DNM1L: variants seen among roughly 807,000 people sequenced by gnomAD.
The protein encoded by DNM1L is dynamin 1L.
Under a neutral mutation model 92.8 loss-of-function variants are expected in DNM1L, and 33 were observed. The observed-to-expected ratio is 0.36, with a 90% confidence interval of 0.27 to 0.48. The LOEUF (loss-of-function observed/expected upper bound fraction) is 0.48, where lower values mean the gene tolerates loss of function less well. DNM1L is among the 20% of genes least tolerant of loss of function. The probability of loss-of-function intolerance (pLI) is 0.99; values close to 1 mark genes in which losing one functional copy is unlikely to be tolerated. For missense variants in DNM1L, 485 were observed against 888.8 expected, an observed-to-expected ratio of 0.55 and a Z score of 5.78; for synonymous variants, 284 against 305.0, an observed-to-expected ratio of 0.93 and a Z score of 0.72.
chr12:32,721,097 C>T (rs1172542024), intron 8 of DNM1L, among the ~76,000 whole-genome samples: 3 of 152,154 alleles, frequency 2.0e-5, no homozygotes, highest in Non-Finnish European at 4.4e-5. Flanking sequence ...CTTTGCATTT[C>T]AGGAACTGAT....
chr12:32,703,045 TTC>T (rs530683691), intron 2 of DNM1L, among the ~76,000 whole-genome samples: 1 of 111,666 alleles, frequency 9.0e-6, no homozygotes, highest in African/African-American at 3.5e-5. Context: ...TATTAGGTCT[TTC>T]TCTCTCTCTC....
At chr12:32,742,884 G>GAA in intron 19 of DNM1L, 136 bp downstream of exon 19, 1 of 387,304 alleles carries the variant, frequency 2.6e-6, no homozygotes, top group South Asian at 2.4e-5. Context: ...TACTTGATAA[G>GAA]AATCTTTTTT....
intron 6 of DNM1L, among the ~76,000 whole-genome samples, chr12:32,717,365 A>AAT (rs1355025844): frequency 1.1e-4 from 8 of 70,472 alleles, no homozygotes; most frequent in South Asian, 3.2e-4. Flanking sequence ...TAGTATATAT[A>AAT]ATATATATAC....
In DNM1L at chr12:32,725,041, A is replaced by AT. The variant is rs1207268748; in HGVS notation, c.1079+2419dup. On this transcript the variant is annotated intron_variant, in intron 9 of 19. Transcript: ENST00000549701. Reference sequence around the variant, plus strand: ...TCTACCCCAAAGAAAATGAACTTTAATTTTTTTTTTTAAAGCATCGTATCA... The same window carrying AT: ...TCTACCCCAAAGAAAATGAACTTTAATTTTTTTTTTTTAAAGCATCGTATCA... Among the ~76,000 whole-genome samples the AT allele has an allele frequency of 3.9e-3, 584 of 148,160 alleles. 7 individuals are homozygous for AT. The highest frequency in any genetic ancestry group is 0.013 in the African/African-American group (535 of 40,568).
chr12:32,734,237 G>C (rs1005946700), intron 13 of DNM1L, among the ~76,000 whole-genome samples: 1 of 152,188 alleles, frequency 6.6e-6, no homozygotes, highest in Non-Finnish European at 1.5e-5. Flanking sequence ...GCATTTCATG[G>C]ATCTTTTCTT....
At chr12:32,705,642 C>T (rs1952892892) in intron 2 of DNM1L, 4 of 575,026 alleles carry the variant, frequency 7.0e-6, no homozygotes, top group Admixed American at 3.2e-5. Context: ...TTGCACTGCG[C>T]AGTGGGATTC....
intron 1 of DNM1L, among the ~76,000 whole-genome samples, chr12:32,683,663 G>A (rs893365121): frequency 1.3e-5 from 2 of 152,096 alleles, no homozygotes; most frequent in Non-Finnish European, 2.9e-5. Context: ...TCCTGCCTCA[G>A]CCTCCTGAGT....
chr12:32,726,022 C>G (rs1411260022), intron 9 of DNM1L, among the ~76,000 whole-genome samples: 1 of 150,108 alleles, frequency 6.7e-6, no homozygotes, highest in African/African-American at 2.5e-5. Flanking sequence ...ATTCAACAAA[C>G]AGCTGAAAAA....
At chr12:32,699,816 A>AG (rs1440371765) in intron 1 of DNM1L, among the ~76,000 whole-genome samples, 1 of 151,156 alleles carries the variant, frequency 6.6e-6, no homozygotes, top group Non-Finnish European at 1.5e-5. Context: ...AAAAAAAAAA[A>AG]AAAGCAATGA....
At chr12:32,686,836 A>G (rs1306165155) in intron 1 of DNM1L, among the ~76,000 whole-genome samples, 1 of 151,840 alleles carries the variant, frequency 6.6e-6, no homozygotes, top group Non-Finnish European at 1.5e-5. Flanking sequence ...ATGGGTGTGA[A>G]GTTTTGTTTT....
At chr12:32,680,110 T>G in intron 1 of DNM1L, 2 of 732,306 alleles carry the variant, frequency 2.7e-6, no homozygotes, top group Non-Finnish European at 3.3e-6. Context: ...TGGGAAGGAA[T>G]ATCCGATTTT....
chr12:32,699,603 C>T (rs1952611910), intron 1 of DNM1L, among the ~76,000 whole-genome samples: 1 of 151,806 alleles, frequency 6.6e-6, no homozygotes, highest in Non-Finnish European at 1.5e-5. Flanking sequence ...TGAAACCAGC[C>T]TGGCGCACAT....
At chr12:32,733,983 C>G (rs1480146961) in intron 13 of DNM1L, among the ~76,000 whole-genome samples, 176 bp downstream of exon 13, 2 of 152,162 alleles carry the variant, frequency 1.3e-5, no homozygotes, top group Non-Finnish European at 2.9e-5. Context: ...TCAAAACCAC[C>G]TGCAGGCATT....
intron 1 of DNM1L, among the ~76,000 whole-genome samples, chr12:32,695,962 CAAGTA>C (rs932089080): frequency 9.9e-4 from 150 of 152,052 alleles, no homozygotes; most frequent in African/African-American, 3.4e-3. Context: ...ACGTTGGAAA[CAAGTA>C]AAGAAAATCC....
rs745441986 is a variant in DNM1L, at chr12:32,740,228, C to T, written c.1872C>T (p.Asn624=). The T allele has an allele frequency of 2.8e-5, 45 of 1,614,130 alleles. No individual in the cohort carries two copies. The Middle Eastern group carries it at 4.9e-4, about 18-fold the overall frequency. Residue 624 remains asparagine, a synonymous_variant, in exon 17 of 20, where the codon AAC becomes AAT. Transcript: ENST00000549701. ...GTCCACAAAAAGGTCATGCCGTGAA[C>T]CTGCTAGATGTGGTAAGCCATGACA... ...PASPQKGHAV[N]LLDVPVPVAR... is the part of the protein sequence containing the mutation.
intron 7 of DNM1L, among the ~76,000 whole-genome samples, chr12:32,719,894 A>G (rs1230824449): frequency 6.6e-6 from 1 of 152,176 alleles, no homozygotes; most frequent in Non-Finnish European, 1.5e-5. Context: ...AAAGAGCTGG[A>G]TTCGGATGAA....
chr12:32,724,683 A>C lies in DNM1L; in HGVS notation c.1079+2050A>C, dbSNP rs1278613858. 4.6e-5 allele frequency among the ~76,000 whole-genome samples: 5 copies of C among 107,868 alleles called. No individual in the cohort carries two copies. In the South Asian group the frequency reaches 1.0e-3, roughly 23 times the overall value. 70.8% of individuals were successfully genotyped at this position (107,868 alleles called of 152,430 possible). On this transcript the variant is annotated intron_variant, in intron 9 of 19. Coordinates refer to ENST00000549701, the MANE Select transcript of DNM1L (RefSeq NM_012062.5). ...ATATATAAAAAATAATAATATATAT[A>C]ATAATATATATAGAAGCCACACAAA...
At chr12:32,726,794 C>T (rs1040873286) in intron 9 of DNM1L, 1 of 620,820 alleles carries the variant, frequency 1.6e-6, no homozygotes, top group African/African-American at 1.8e-5. Context: ...CTGTACAACC[C>T]ATAATTTCTT....
At chr12:32,719,613 A>C (rs1004902369) in intron 7 of DNM1L, among the ~76,000 whole-genome samples, 1 of 152,074 alleles carries the variant, frequency 6.6e-6, no homozygotes, top group Admixed American at 6.6e-5. Flanking sequence ...AGATTGGTTT[A>C]ATCCCTAGCA....
Sources: gnomAD v4.1 joint callset for allele counts (sites outside exome capture counted in the v4.1 genomes callset) on GRCh38, gnomAD v4.1.1 for gene constraint, MANE v1.5 for transcripts, NCBI Gene and HGNC (gene_info 2026-07-23, HGNC 2026-07-21) for gene names.